The following FAM174B variants were observed in gnomAD, a reference collection of about 807,000 sequenced individuals.
FAM174B encodes the protein family with sequence similarity 174 member B, also known as membrane protein FAM174B.
FAM174B carries 12 observed loss-of-function variants against 10.9 expected under a neutral mutation model. The observed-to-expected ratio is 1.10, with a 90% CI of 0.71 to 1.79. The LOEUF (loss-of-function observed/expected upper bound fraction) is 1.79. FAM174B is among the 40% of genes most tolerant of loss of function. The pLI is 0.00. For missense variants in FAM174B, 266 were observed against 233.3 expected, an observed-to-expected ratio of 1.14 and a Z score of -0.91; for synonymous variants, 132 against 115.8, an observed-to-expected ratio of 1.14 and a Z score of -0.90.
chr15:92,618,839 T>TAA lies in FAM174B; in HGVS notation c.*616_*617insTT, dbSNP rs1196213665. Reference sequence around the variant, plus strand: ...GATTTCTGCTGAACCTTTTTTTTTTTTAAAAAAAAAAAAAAAGGAAGAAAG... The same window carrying TAA: ...GATTTCTGCTGAACCTTTTTTTTTTTAATAAAAAAAAAAAAAAAGGAAGAAAG... On this transcript the variant is annotated 3_prime_UTR_variant, in exon 3 of 3. Coordinates refer to ENST00000327355, the MANE Select transcript of FAM174B (RefSeq NM_207446.3). 102 of 136,626 alleles carry TAA rather than the reference T, an allele frequency of 7.5e-4. No homozygotes were observed. Among genetic ancestry groups the TAA allele is most frequent in the African/African-American group, 1.2e-3 (36 of 31,190 alleles). 8.5% of individuals were successfully genotyped at this position (136,626 alleles called of 1,614,324 possible).
At chr15:92,653,631 C>G (rs1275010966) in intron 1 of FAM174B, among the ~76,000 whole-genome samples, 2 of 152,234 alleles carry the variant, frequency 1.3e-5, no homozygotes, top group Admixed American at 6.5e-5. Flanking sequence ...CATGGTTGGA[C>G]TGAAGGATGC....
chr15:92,632,812 C>T (rs1031747984), intron 1 of FAM174B, among the ~76,000 whole-genome samples: 15 of 152,088 alleles, frequency 9.9e-5, no homozygotes, highest in Non-Finnish European at 1.8e-4. Flanking sequence ...CGTGGGACAC[C>T]GTGCCAGACC....
At chr15:92,632,209 C>T (rs1167946478) in intron 1 of FAM174B, among the ~76,000 whole-genome samples, 1 of 152,184 alleles carries the variant, frequency 6.6e-6, no homozygotes, top group Admixed American at 6.5e-5. Flanking sequence ...TACAACACTA[C>T]AGTGTTCTGG....
intron 1 of FAM174B, among the ~76,000 whole-genome samples, chr15:92,638,781 C>A (rs1247500720): frequency 6.6e-6 from 1 of 152,210 alleles, no homozygotes; most frequent in Non-Finnish European, 1.5e-5. Flanking sequence ...GAGGCCATTG[C>A]AGGACATCGC....
At chr15:92,625,213 T>C (rs1313852060) in intron 2 of FAM174B, among the ~76,000 whole-genome samples, 1 of 152,104 alleles carries the variant, frequency 6.6e-6, no homozygotes, top group Non-Finnish European at 1.5e-5. Flanking sequence ...CTGCCTGTAT[T>C]CTTCCTCCTT....
chr15:92,655,380 C>T lies in FAM174B; in HGVS notation c.280G>A (p.Ala94Thr). 6.3e-7 allele frequency: 1 copy of T among 1,592,638 alleles called. No homozygotes were observed. The highest frequency in any genetic ancestry group is 8.5e-7 in the Non-Finnish European group (1 of 1,170,348). ...LLRDLPTLKAAVIVAFAFTTL... is the reference protein window; with the variant it reads ...LLRDLPTLKATVIVAFAFTTL... ...GTAAAGGCGAACGCCACGATCACGG[C>T]TGCCTTGAGGGTGGGTAGGTCGCGG... is the stretch of plus-strand genomic sequence containing the variant. Residue 94 changes from alanine (A) to threonine (T), a missense_variant, in exon 1 of 3, where the codon GCC becomes ACC. Coordinates refer to ENST00000327355, the MANE Select transcript of FAM174B (RefSeq NM_207446.3).
chr15:92,649,806 C>A (rs1409979818), intron 1 of FAM174B, among the ~76,000 whole-genome samples: 1 of 152,210 alleles, frequency 6.6e-6, no homozygotes, highest in African/African-American at 2.4e-5. Flanking sequence ...GGCTTGCTCT[C>A]TACTCTCTTT....
chr15:92,647,886 A>T (rs1468686879), intron 1 of FAM174B, among the ~76,000 whole-genome samples: 3 of 152,218 alleles, frequency 2.0e-5, no homozygotes, highest in Non-Finnish European at 4.4e-5. Context: ...AGAGGCATTT[A>T]CCATCTATTC....
intron 1 of FAM174B, among the ~76,000 whole-genome samples, chr15:92,644,329 AT>A (rs2050911718): frequency 6.6e-6 from 1 of 152,042 alleles, no homozygotes; most frequent in Non-Finnish European, 1.5e-5. Context: ...CACCTAGAGC[AT>A]TTTCGACAAG....
chr15:92,654,848 G>A (rs2050990621), intron 1 of FAM174B, among the ~76,000 whole-genome samples: 1 of 151,952 alleles, frequency 6.6e-6, no homozygotes, highest in African/African-American at 2.4e-5. Flanking sequence ...TGAGGGAGCT[G>A]CAGATGGTAG....
intron 2 of FAM174B, among the ~76,000 whole-genome samples, chr15:92,628,593 T>C (rs2050769567): frequency 6.6e-6 from 1 of 152,120 alleles, no homozygotes; most frequent in Non-Finnish European, 1.5e-5. Flanking sequence ...TTGATTTGAT[T>C]CTTTTCAAAG....
chr15:92,654,642 C>T (rs996150056), intron 1 of FAM174B, among the ~76,000 whole-genome samples: 1 of 152,120 alleles, frequency 6.6e-6, no homozygotes. Flanking sequence ...GTCTGTGTCC[C>T]CCACCAACAG....
At chr15:92,631,381 T>A (rs1253009306) in intron 1 of FAM174B, among the ~76,000 whole-genome samples, 3 of 29,862 alleles carry the variant, frequency 1.0e-4, no homozygotes, top group Admixed American at 6.1e-4. Context: ...ATATAATATA[T>A]TATATATTAT....
intron 1 of FAM174B, among the ~76,000 whole-genome samples, chr15:92,652,934 C>G (rs944126169): frequency 1.3e-5 from 2 of 152,170 alleles, no homozygotes; most frequent in Admixed American, 1.3e-4. Context: ...AGATGAGGTG[C>G]TGGCCCTGCC....
chr15:92,620,814 C>CA (rs34607670), intron 2 of FAM174B, among the ~76,000 whole-genome samples: 30,519 of 71,226 alleles, frequency 0.43, 7,554 homozygotes, highest in Non-Finnish European at 0.48. Flanking sequence ...GACTCTGTCT[C>CA]AAAAAAAAAA....
In FAM174B at chr15:92,618,512, ATAGTCCCCTG is replaced by A. The variant is rs1278542442; in HGVS notation, c.*934_*943del. On this transcript the variant is annotated 3_prime_UTR_variant, in exon 3 of 3. Transcript: ENST00000327355. ...AGCCCCGTCTAGACTGACTTCAAATATAGTCCCCTGACAGTGTGATTTTTTCCAGCCAGCC... is the reference window on the plus strand; with the variant it reads ...AGCCCCGTCTAGACTGACTTCAAATAACAGTGTGATTTTTTCCAGCCAGCC... 1 of 152,148 alleles carries A rather than the reference ATAGTCCCCTG, an allele frequency of 6.6e-6. No homozygotes were observed. Among genetic ancestry groups the A allele is most frequent in the Non-Finnish European group, 1.5e-5 (1 of 68,092 alleles). 9.4% of individuals were successfully genotyped at this position (152,148 alleles called of 1,614,324 possible). A position where few individuals can be genotyped will look rare whatever the true frequency, so the allele number is the denominator to read the frequency against.
chr15:92,651,670 C>T (rs1469261917), intron 1 of FAM174B, among the ~76,000 whole-genome samples: 1 of 152,170 alleles, frequency 6.6e-6, no homozygotes, highest in African/African-American at 2.4e-5. Context: ...TAACCAATGC[C>T]CAGTTGTTGG....
At chr15:92,619,912 A>C (rs2050707972) in intron 2 of FAM174B, 3 of 181,880 alleles carry the variant, frequency 1.6e-5, no homozygotes. Context: ...TTCCAGTACA[A>C]TGTTATTTAT....
Position 92,655,266 on chromosome 15 carries a change from G to A in FAM174B, c.344+50C>T, listed in dbSNP as rs764865951. ...GGGCGCGCGGCGACAGCAGGTTGGC[G>A]ATGCCGCCCTGTCGGCCGGCGGGGG... On this transcript the variant is annotated intron_variant, in intron 1 of 2. Transcript: ENST00000327355. 5.4e-6 allele frequency: 8 copies of A among 1,475,518 alleles called. No homozygotes were observed. In the Admixed American group the frequency reaches 1.6e-4, roughly 29 times the overall value. The allele number at this position is 1,475,518 out of a possible 1,614,324, so 91.4% of individuals were successfully genotyped here.
Sources: allele counts gnomAD v4.1 joint callset (sites outside exome capture counted in the v4.1 genomes callset), GRCh38; gene constraint gnomAD v4.1.1; transcripts MANE v1.5; gene names NCBI Gene and HGNC (gene_info 2026-07-23, HGNC 2026-07-21).